NLRP5: variants seen among roughly 807,000 people sequenced by gnomAD.
NLRP5 encodes NLR family pyrin domain containing 5, also known as NACHT, LRR and PYD domains-containing protein 5.
NLRP5 carries 93 observed loss-of-function variants against 113.1 expected under a neutral mutation model. That is an observed-to-expected ratio of 0.82 (90% CI 0.70 to 0.98). The LOEUF is 0.98. Among genes scored for constraint, NLRP5 ranks in the 50% least tolerant of loss-of-function variants. NLRP5 has a pLI of 0.00. For missense variants in NLRP5, 1,808 were observed against 1,514.3 expected (o/e 1.19, Z -3.22); for synonymous variants, 751 against 600.7 (o/e 1.25, Z -3.66).
intron 13 of NLRP5, among the ~76,000 whole-genome samples, chr19:56,057,031 G>A (rs1984180946): frequency 6.6e-6 from 1 of 152,146 alleles, no homozygotes; most frequent in Non-Finnish European, 1.5e-5. Flanking sequence ...AGCTACTCAG[G>A]AGGCTGAGTC....
rs749728411 is a variant in NLRP5 at position 56,032,627 on chromosome 19, C to G, written c.2293C>G (p.Leu765Val). ...CTGACATAGGATGCGGGATAAGACC[C>G]TCATTGAGGAGCAGTGGGAAGATTT... is the stretch of plus-strand genomic sequence containing the variant. Residue 765 changes from leucine (L) to valine (V), a missense_variant, in exon 8 of 15, where the codon CTC (leucine) becomes GTC (valine). Physicochemically the swap from Leu to Val is conservative, Grantham distance 32. Coordinates refer to ENST00000390649, the MANE Select transcript of NLRP5 (RefSeq NM_153447.4). 6.2e-7 allele frequency: 1 copy of G among 1,613,526 alleles called. No individual in the cohort carries two copies. The highest frequency in any genetic ancestry group is 1.1e-5 in the South Asian group (1 of 90,976).
intron 13 of NLRP5, among the ~76,000 whole-genome samples, chr19:56,055,832 A>G (rs1984130244): frequency 2.6e-5 from 4 of 152,066 alleles, no homozygotes; most frequent in Admixed American, 2.6e-4. Context: ...GGCATAAGCC[A>G]CCGCGCCTGG....
intron 6 of NLRP5, among the ~76,000 whole-genome samples, chr19:56,025,933 A>T (rs1301165062): frequency 6.6e-6 from 1 of 152,160 alleles, no homozygotes; most frequent in Non-Finnish European, 1.5e-5. Context: ...CACTGTCATA[A>T]ATACTGAAGG....
intron 9 of NLRP5, among the ~76,000 whole-genome samples, chr19:56,037,646 T>C (rs974492717): frequency 1.4e-5 from 2 of 146,830 alleles, no homozygotes; most frequent in Admixed American, 6.9e-5. Context: ...TGAGCCAAGA[T>C]TGCGCCACTG....
chr19:56,029,368 G>C (rs1983004765), intron 7 of NLRP5, among the ~76,000 whole-genome samples: 1 of 152,160 alleles, frequency 6.6e-6, no homozygotes, highest in African/African-American at 2.4e-5. Flanking sequence ...CCGGGTTCAA[G>C]CGATTCTCCT....
Position 56,061,456 on chromosome 19 carries a change from C to G in NLRP5, c.3531C>G (p.Leu1177=), listed in dbSNP as rs764078123. 7.4e-6 allele frequency: 12 copies of G among 1,614,010 alleles called. No individual in the cohort carries two copies. The highest frequency in any genetic ancestry group is 1.0e-5 in the Non-Finnish European group (12 of 1,179,852). Reference sequence around the variant, plus strand: ...AGCTGCTGGAGGAAGTGCAGCTACTCAAGCCCCGAGTCGTAATTGACGGTA... The same window carrying G: ...AGCTGCTGGAGGAAGTGCAGCTACTGAAGCCCCGAGTCGTAATTGACGGTA... The change falls in exon 15 of 15, where the codon CTC becomes CTG. Residue 1177 remains leucine (L), a synonymous_variant. Coordinates refer to ENST00000390649, the MANE Select transcript of NLRP5 (RefSeq NM_153447.4).
At chr19:56,003,646 C>A in intron 1 of NLRP5, 90 bp from the exon 2 acceptor site, 4 of 1,438,772 alleles carry the variant, frequency 2.8e-6, no homozygotes, top group South Asian at 1.4e-5. Flanking sequence ...AAGAGAAGGC[C>A]GTTCATCTAG....
chr19:56,030,735 G>C (rs1460076065), intron 7 of NLRP5, among the ~76,000 whole-genome samples: 2 of 866 alleles, frequency 2.3e-3, no homozygotes, highest in African/African-American at 8.3e-3. Context: ...TTTTTTTTGA[G>C]ACGGAGTCTT....
At chr19:56,057,062 GGAGGTGGAGGTCGC>G (rs1299372628) in intron 13 of NLRP5, among the ~76,000 whole-genome samples, 3 of 152,166 alleles carry the variant, frequency 2.0e-5, no homozygotes, top group African/African-American at 7.2e-5. Flanking sequence ...CTTGAACTGG[GGAGGTGGAGGTCGC>G]AGTGAGTCGA....
chr19:56,048,978 A>ATTTT (rs1983826625), intron 11 of NLRP5, among the ~76,000 whole-genome samples: 4 of 23,580 alleles, frequency 1.7e-4, no homozygotes, highest in African/African-American at 3.5e-4. Context: ...TTTTTTTTTT[A>ATTTT]ATTTTTTTTT....
Position 56,007,892 on chromosome 19 carries a change from C to CAT in NLRP5, c.443-896_443-895insAT, listed in dbSNP as rs1568483037. On this transcript the variant is annotated intron_variant, in intron 2 of 14. Transcript: ENST00000390649. ...GTTTGTGTGTGTGTGTGTGTGTGCG[C>CAT]GTGCGCGCGTGCGTGTGTGTGTGTG... 4.7e-5 allele frequency among the ~76,000 whole-genome samples: 5 copies of CAT among 106,880 alleles called. 2 individuals are homozygous for CAT. Among genetic ancestry groups the CAT allele is most frequent in the African/African-American group, 2.2e-4 (5 of 22,722 alleles). 70.1% of individuals were successfully genotyped at this position (106,880 alleles called of 152,430 possible).
At chr19:56,028,617 C>G in intron 7 of NLRP5, 108 bp downstream of exon 7, 1 of 1,088,404 alleles carries the variant, frequency 9.2e-7, no homozygotes, top group Non-Finnish European at 1.3e-6. Flanking sequence ...AGAATTCTTT[C>G]AGGATGAATG....
In NLRP5 at chr19:56,004,107, T is replaced by G. The variant is rs1373620723; in HGVS notation, c.442+12T>G. On this transcript the variant is annotated intron_variant, in intron 2 of 14. Transcript: ENST00000390649. Reference sequence around the variant, plus strand: ...GGATGACATGAAAAGTAAGCGAGACTTGGGACAAGTCTAGGGCAGGGAGGG... The same window carrying G: ...GGATGACATGAAAAGTAAGCGAGACGTGGGACAAGTCTAGGGCAGGGAGGG... The G allele has an allele frequency of 1.3e-6, 2 of 1,591,880 alleles. No homozygotes were observed. The highest frequency in any genetic ancestry group is 2.3e-5 in the South Asian group (2 of 87,798).
intron 2 of NLRP5, among the ~76,000 whole-genome samples, chr19:56,004,436 A>G (rs1488719705): frequency 6.6e-6 from 1 of 152,164 alleles, no homozygotes; most frequent in African/African-American, 2.4e-5. Context: ...TGACCCTTGG[A>G]TCCCACATCT....
chr19:56,002,003 G>A (rs1981672515), intron 1 of NLRP5, among the ~76,000 whole-genome samples: 1 of 152,142 alleles, frequency 6.6e-6, no homozygotes, highest in African/African-American at 2.4e-5. Context: ...AGAGATTTAG[G>A]AATTATTCCT....
chr19:56,027,989 A>C lies in NLRP5; in HGVS notation c.1756A>C (p.Ser586Arg), dbSNP rs35696923. The stretch of plus-strand genomic sequence containing the variant: ...GGAGTACTACACCTTCTTCCACCTC[A>C]GTCTCCAGGACTTCTGTGCCGCCTT... The change falls in exon 7 of 15, where the codon AGT becomes CGT. Residue 586 changes from serine (S) to arginine (R), a missense_variant. Physicochemically the swap from Ser to Arg is moderately radical, Grantham distance 110. Coordinates refer to ENST00000390649, the MANE Select transcript of NLRP5 (RefSeq NM_153447.4). 4.2e-4 allele frequency: 684 copies of C among 1,613,974 alleles called. No homozygotes were observed. In the African/African-American group the frequency reaches 8.3e-3, roughly 20 times the overall value.
At chr19:56,033,476 G>A in intron 8 of NLRP5, 66 bp from the exon 9 acceptor site, 3 of 1,262,228 alleles carry the variant, frequency 2.4e-6, no homozygotes, top group Non-Finnish European at 3.4e-6. Flanking sequence ...AGAAGGATGG[G>A]AAGGAAAAAT....
intron 2 of NLRP5, among the ~76,000 whole-genome samples, chr19:56,007,596 A>T (rs2123274879): frequency 6.6e-6 from 1 of 151,226 alleles, no homozygotes; most frequent in East Asian, 1.9e-4. Flanking sequence ...CGGAGGGACT[A>T]GAAGTCAGAT....
In NLRP5 at chr19:56,028,310, G is replaced by A. The variant is rs775844083; in HGVS notation, c.2077G>A (p.Glu693Lys). The A allele has an allele frequency of 2.7e-5, 44 of 1,613,808 alleles. No homozygotes were observed. Among genetic ancestry groups the A allele is most frequent in the Middle Eastern group, 3.3e-4 (2 of 6,084 alleles). Residue 693 changes from glutamate to lysine, a missense_variant, in exon 7 of 15, where the codon GAG becomes AAG. Physicochemically the swap from Glu to Lys is moderately conservative, Grantham distance 56. Coordinates refer to ENST00000390649, the MANE Select transcript of NLRP5 (RefSeq NM_153447.4). ...CCTGGACGCCTTCCACTGTCTTTTC[G>A]AGACTCAAGACAAAGAGTTTGTTCG... is the stretch of plus-strand genomic sequence containing the variant.
Sources: allele counts gnomAD v4.1 joint callset (sites outside exome capture counted in the v4.1 genomes callset), GRCh38; gene constraint gnomAD v4.1.1; transcripts MANE v1.5; gene names NCBI Gene and HGNC (gene_info 2026-07-23, HGNC 2026-07-21).